Variants in GABRA3 observed in about 807,000 individuals in gnomAD.
The protein encoded by GABRA3 is gamma-aminobutyric acid type A receptor subunit alpha3.
Under a neutral mutation model 30.1 loss-of-function variants are expected in GABRA3, and 10 were observed. The observed-to-expected ratio is 0.33, with a 90% CI of 0.20 to 0.56. The LOEUF is 0.56. Ranked by LOEUF, GABRA3 falls within the 20% of genes least tolerant of loss-of-function variation. The pLI, the probability that GABRA3 is intolerant of heterozygous loss-of-function variation, is 0.89. For missense variants in GABRA3, 233 were observed against 392.0 expected, an observed-to-expected ratio of 0.59 and a Z score of 3.42; for synonymous variants, 151 against 146.8, an observed-to-expected ratio of 1.03 and a Z score of -0.21.
At chrX:152,294,720 A>G (rs931471230) in intron 3 of GABRA3, among the ~76,000 whole-genome samples, 8 of 111,742 alleles carry the variant, frequency 7.2e-5, no homozygotes, top group Admixed American at 9.5e-5. Context: ...TCTGGTTTTT[A>G]GAATTTTCAG....
chrX:152,191,040 C>G (rs1201858673), intron 8 of GABRA3, among the ~76,000 whole-genome samples: 1 of 108,485 alleles, frequency 9.2e-6, no homozygotes, highest in Admixed American at 1.0e-4. Context: ...GGTAATAACA[C>G]CAGATAATAC....
intron 6 of GABRA3, among the ~76,000 whole-genome samples, chrX:152,223,361 A>C (rs1186611386): frequency 8.9e-6 from 1 of 111,955 alleles, no homozygotes. Flanking sequence ...TCCCTCTTCT[A>C]CTTATATCAT....
intron 1 of GABRA3, among the ~76,000 whole-genome samples, chrX:152,378,527 GA>G (rs1198716533): frequency 1.8e-5 from 2 of 110,259 alleles, no homozygotes; most frequent in African/African-American, 6.6e-5. Flanking sequence ...TAGAAGAGGA[GA>G]AAAAATGATT....
chrX:152,364,271 T>C (rs1037345421), intron 2 of GABRA3, among the ~76,000 whole-genome samples, 160 bp downstream of exon 2: 4 of 111,602 alleles, frequency 3.6e-5, no homozygotes, highest in African/African-American at 1.3e-4. Context: ...TCTTTCTACT[T>C]TGAGAGTCTG....
intron 9 of GABRA3, among the ~76,000 whole-genome samples, chrX:152,178,198 T>C (rs1411021813): frequency 9.0e-6 from 1 of 111,388 alleles, no homozygotes; most frequent in Admixed American, 9.6e-5. Flanking sequence ...GACCATGTAG[T>C]TTAGTTTTGC....
chrX:152,414,463 G>A (rs778199904), intron 1 of GABRA3, among the ~76,000 whole-genome samples: 25 of 110,818 alleles, frequency 2.3e-4, no homozygotes, highest in African/African-American at 7.8e-4. Flanking sequence ...TTAGGGAATC[G>A]CAGATTAAAA....
chrX:152,448,889 G>T (rs1266023852), intron 1 of GABRA3, among the ~76,000 whole-genome samples: 7 of 111,012 alleles, frequency 6.3e-5, no homozygotes, highest in Non-Finnish European at 1.3e-4. Flanking sequence ...GACCTTCCTT[G>T]CTCCCATCAG....
Position 152,275,228 on chromosome X carries a change from T to TTTATATATAATATTATATATATAAA in GABRA3, c.330+9439_330+9440insTTTATATATATAATATTATATATAA, listed in dbSNP as rs1569378316. Among the ~76,000 whole-genome samples the TTTATATATAATATTATATATATAAA allele has an allele frequency of 3.3e-3, 212 of 64,302 alleles. 4 individuals are homozygous for TTTATATATAATATTATATATATAAA. Among genetic ancestry groups the TTTATATATAATATTATATATATAAA allele is most frequent in the Middle Eastern group, 0.016 (2 of 125 alleles). 55.8% of individuals were successfully genotyped at this position (64,302 alleles called of 115,157 possible). A position where few individuals can be genotyped will look rare whatever the true frequency, so the allele number is the denominator to read the frequency against. The stretch of plus-strand genomic sequence containing the variant: ...TATATATAATATTATATATATATAA[T>TTTATATATAATATTATATATATAAA]TTATATATATTTTATTATATATAAT... On this transcript the variant is annotated intron_variant, in intron 4 of 9. Coordinates refer to ENST00000370314, the MANE Select transcript of GABRA3 (RefSeq NM_000808.4).
intron 1 of GABRA3, among the ~76,000 whole-genome samples, chrX:152,441,559 G>A (rs1225568723): frequency 8.9e-6 from 1 of 111,816 alleles, no homozygotes; most frequent in African/African-American, 3.2e-5. Flanking sequence ...AGTGGTGTGA[G>A]TGTGGATGAA....
At chrX:152,392,441 A>G in intron 1 of GABRA3, 1 of 277,408 alleles carries the variant, frequency 3.6e-6, no homozygotes, top group Non-Finnish European at 7.4e-6. Flanking sequence ...TTTTAGTACA[A>G]TGTAGACAAC....
intron 5 of GABRA3, among the ~76,000 whole-genome samples, chrX:152,252,168 G>A (rs750685213): frequency 1.8e-5 from 2 of 110,919 alleles, no homozygotes; most frequent in South Asian, 3.8e-4. Context: ...CAAGCTTCTC[G>A]AAGGTATTTT....
chrX:152,436,695 T>C (rs1445957583), intron 1 of GABRA3, among the ~76,000 whole-genome samples: 1 of 111,359 alleles, frequency 9.0e-6, no homozygotes, highest in Non-Finnish European at 1.9e-5. Context: ...AAATATATTG[T>C]ATATGCCTGG....
chrX:152,426,976 T>C (rs970970661), intron 1 of GABRA3, among the ~76,000 whole-genome samples: 2 of 111,921 alleles, frequency 1.8e-5, no homozygotes, highest in African/African-American at 6.5e-5. Flanking sequence ...TGAAACATGA[T>C]CTGTGTTAGG....
At chrX:152,254,578 T>C (rs1194363634) in intron 5 of GABRA3, among the ~76,000 whole-genome samples, 1 of 111,131 alleles carries the variant, frequency 9.0e-6, no homozygotes, top group Non-Finnish European at 1.9e-5. Context: ...TCTATGTTCA[T>C]TTTTCCTCCC....
intron 3 of GABRA3, among the ~76,000 whole-genome samples, chrX:152,322,153 A>G (rs1939974356): frequency 8.9e-6 from 1 of 112,618 alleles, no homozygotes; most frequent in Non-Finnish European, 1.9e-5. Flanking sequence ...TTATTCATTC[A>G]TAAAAAAGAA....
At chrX:152,401,079 G>C (rs1929781778) in intron 1 of GABRA3, among the ~76,000 whole-genome samples, 1 of 111,208 alleles carries the variant, frequency 9.0e-6, no homozygotes, top group Non-Finnish European at 1.9e-5. Flanking sequence ...TTTAAGAAAA[G>C]GACCCAGGTC....
chrX:152,383,513 G>A (rs1929207384), intron 1 of GABRA3, among the ~76,000 whole-genome samples: 1 of 108,562 alleles, frequency 9.2e-6, no homozygotes, highest in East Asian at 2.9e-4. Context: ...ATAACATACT[G>A]AAAGAATCAT....
intron 1 of GABRA3, among the ~76,000 whole-genome samples, chrX:152,386,761 C>T (rs1360339923): frequency 3.6e-5 from 4 of 110,757 alleles, no homozygotes; most frequent in Non-Finnish European, 5.7e-5. Flanking sequence ...GATCTAGAAC[C>T]AGAAATACTT....
chrX:152,382,726 C>T (rs1483249432), intron 1 of GABRA3, among the ~76,000 whole-genome samples: 2 of 111,374 alleles, frequency 1.8e-5, no homozygotes. Flanking sequence ...CAATTTCATT[C>T]TTTGGCATGT....
Sources: gnomAD v4.1 joint callset for allele counts (sites outside exome capture counted in the v4.1 genomes callset) on GRCh38, gnomAD v4.1.1 for gene constraint, MANE v1.5 for transcripts, NCBI Gene and HGNC (gene_info 2026-07-23, HGNC 2026-07-21) for gene names.